Variants in DDAH1 observed in about 807,000 individuals in gnomAD.
DDAH1 encodes dimethylarginine dimethylaminohydrolase 1, also known as N(G),N(G)-dimethylarginine dimethylaminohydrolase 1.
A neutral mutation model predicts 28.8 loss-of-function variants in DDAH1; 19 were observed. The ratio of observed to expected loss-of-function variants is 0.66; its 90% CI spans 0.46 to 0.97. The LOEUF is 0.97. DDAH1 is among the 50% of genes least tolerant of loss of function. The pLI is 0.00. For missense variants in DDAH1, 326 were observed against 375.9 expected (o/e 0.87, Z 1.10); for synonymous variants, 153 against 154.4 (o/e 0.99, Z 0.07).
At chr1:85,343,431 C>T (rs917901035) in intron 4 of DDAH1, among the ~76,000 whole-genome samples, 16 of 152,178 alleles carry the variant, frequency 1.1e-4, no homozygotes, top group Non-Finnish European at 2.4e-4. Context: ...ACAGTTGTTA[C>T]AAATTCAGAA....
At chr1:85,323,968 C>CAA (rs11446322) in intron 5 of DDAH1, among the ~76,000 whole-genome samples, 4,174 of 99,854 alleles carry the variant, frequency 0.042, 214 homozygotes, top group African/African-American at 0.12. Context: ...GATCCTGTCT[C>CAA]AAAAAAAAAA....
At chr1:85,457,265 T>C (rs1352278619) in intron 1 of DDAH1, among the ~76,000 whole-genome samples, 3 of 152,200 alleles carry the variant, frequency 2.0e-5, no homozygotes, top group Non-Finnish European at 4.4e-5. Flanking sequence ...TCCTGTTCTC[T>C]GTATCTGGAA....
chr1:85,575,010 T>A (rs1659562842), intron 1 of DDAH1, among the ~76,000 whole-genome samples: 1 of 152,076 alleles, frequency 6.6e-6, no homozygotes, highest in Non-Finnish European at 1.5e-5. Flanking sequence ...GAGGCCGAGA[T>A]GGGCAGATCG....
chr1:85,578,055 G>C, exon 1 of DDAH1: 1 of 982,040 alleles, frequency 1.0e-6, no homozygotes, highest in Non-Finnish European at 1.2e-6. Flanking sequence ...CGGAGGCGGC[G>C]AGAAGGCGAC....
In DDAH1 at chr1:85,350,446, C is replaced by A. The variant is rs763236952; in HGVS notation, c.566G>T (p.Gly189Val). Residue 189 changes from glycine to valine, a missense_variant, in exon 4 of 6, where the codon GGG becomes GTG. Transcript: ENST00000284031. ...GGCCTTCTGTGCAGATTCACTAGAC[C>A]CAATTGCGATCAGGTTAGGCCCAGC... ...SMAGPNLIAIGSSESAQKALK... is the reference protein window; with the variant it reads ...SMAGPNLIAIVSSESAQKALK... 16 of 1,613,944 alleles carry A rather than the reference C, an allele frequency of 9.9e-6. No homozygotes were observed. Among genetic ancestry groups the A allele is most frequent in the Admixed American group, 1.7e-5 (1 of 59,982 alleles).
chr1:85,436,680 G>A (rs924006229), intron 1 of DDAH1, among the ~76,000 whole-genome samples: 3 of 152,194 alleles, frequency 2.0e-5, no homozygotes, highest in Non-Finnish European at 4.4e-5. Context: ...AATCAGATGA[G>A]TATTATGGTG....
chr1:85,536,351 G>A (rs1275760012), intron 1 of DDAH1, among the ~76,000 whole-genome samples: 6 of 151,826 alleles, frequency 4.0e-5, no homozygotes, highest in South Asian at 2.1e-4. Context: ...TCAGGAGATC[G>A]AGACCATCCT....
chr1:85,436,214 T>C (rs966202075), intron 1 of DDAH1, among the ~76,000 whole-genome samples: 11 of 151,812 alleles, frequency 7.2e-5, no homozygotes, highest in African/African-American at 2.7e-4. Flanking sequence ...TGGTGGCTAA[T>C]ATTCTTGTGA....
intron 1 of DDAH1, among the ~76,000 whole-genome samples, chr1:85,560,874 TC>T (rs1659119342): frequency 6.6e-6 from 1 of 152,074 alleles, no homozygotes; most frequent in South Asian, 2.1e-4. Context: ...AGGTTTTTTT[TC>T]CTATTGATTC....
At chr1:85,349,737 G>C (rs950753339) in intron 4 of DDAH1, among the ~76,000 whole-genome samples, 6 of 152,140 alleles carry the variant, frequency 3.9e-5, no homozygotes, top group African/African-American at 1.4e-4. Flanking sequence ...ATCCTTATTG[G>C]GTGTCCAGAT....
chr1:85,499,634 C>A (rs1160822058), intron 1 of DDAH1, among the ~76,000 whole-genome samples: 1 of 150,296 alleles, frequency 6.7e-6, no homozygotes, highest in Non-Finnish European at 1.5e-5. Flanking sequence ...AAGATCGCAC[C>A]ACTGCACTCC....
At chr1:85,447,739 T>C (rs1316259543) in intron 1 of DDAH1, 1 of 152,240 alleles carries the variant, frequency 6.6e-6, no homozygotes, top group Non-Finnish European at 1.5e-5. Flanking sequence ...GTCTGAATTA[T>C]GCAAAATGTT....
At chr1:85,451,833 T>C (rs527600797) in intron 1 of DDAH1, among the ~76,000 whole-genome samples, 1 of 152,256 alleles carries the variant, frequency 6.6e-6, no homozygotes, top group African/African-American at 2.4e-5. Context: ...CTGGAATCAA[T>C]AGAACAGAAA....
chr1:85,390,027 C>A (rs1267343241), intron 1 of DDAH1, among the ~76,000 whole-genome samples: 2 of 152,148 alleles, frequency 1.3e-5, no homozygotes, highest in Non-Finnish European at 2.9e-5. Context: ...AAAATAAATT[C>A]TAGTCGTTTT....
intron 1 of DDAH1, among the ~76,000 whole-genome samples, chr1:85,506,919 A>T (rs72942607): frequency 0.012 from 1,781 of 152,328 alleles, 37 homozygotes; most frequent in African/African-American, 0.041. Context: ...AGCAGTAGTC[A>T]GAGAGTGACC....
intron 1 of DDAH1, among the ~76,000 whole-genome samples, chr1:85,556,584 C>G (rs534198701): frequency 1.4e-3 from 206 of 152,166 alleles, no homozygotes; most frequent in Non-Finnish European, 2.0e-3. Flanking sequence ...ATGTGTCCAG[C>G]ACAGCTAAAG....
intron 1 of DDAH1, among the ~76,000 whole-genome samples, chr1:85,439,669 T>G (rs1007890688): frequency 6.6e-6 from 1 of 152,220 alleles, no homozygotes; most frequent in Admixed American, 6.5e-5. Flanking sequence ...TAGAAAGAAT[T>G]CAACATACAG....
At chr1:85,577,162 G>A (rs1434534366) in intron 1 of DDAH1, among the ~76,000 whole-genome samples, 1 of 152,084 alleles carries the variant, frequency 6.6e-6, no homozygotes, top group Admixed American at 6.5e-5. Context: ...AGGCGCGTCC[G>A]GATGCCTCGC....
intron 1 of DDAH1, among the ~76,000 whole-genome samples, chr1:85,446,251 G>A (rs1234049183): frequency 6.6e-6 from 1 of 152,158 alleles, no homozygotes; most frequent in Non-Finnish European, 1.5e-5. Context: ...CATGGCAGAA[G>A]CTGAAAGGGA....
Sources: allele counts gnomAD v4.1 joint callset (sites outside exome capture counted in the v4.1 genomes callset), GRCh38; gene constraint gnomAD v4.1.1; transcripts MANE v1.5; gene names NCBI Gene and HGNC (gene_info 2026-07-23, HGNC 2026-07-21).